The following ZNF106 variants were observed in gnomAD, a reference collection of about 807,000 sequenced individuals.
ZNF106 encodes the protein SH3-domain binding protein 3.
ZNF106 carries 67 observed loss-of-function variants against 195.1 expected under a neutral mutation model. The ratio of observed to expected loss-of-function variants is 0.34; its 90% confidence interval spans 0.28 to 0.42. The LOEUF (loss-of-function observed/expected upper bound fraction) is 0.42, where lower values mean the gene tolerates loss of function less well. Ranked by LOEUF, ZNF106 falls within the 10% of genes least tolerant of loss-of-function variation. The probability of loss-of-function intolerance (pLI) is 1.00; values close to 1 mark genes in which losing one functional copy is unlikely to be tolerated. For missense variants in ZNF106, 2,118 were observed against 2,304.5 expected, an observed-to-expected ratio of 0.92 and a Z score of 1.66; for synonymous variants, 784 against 818.6, an observed-to-expected ratio of 0.96 and a Z score of 0.72.
At chr15:42,438,746 G>T (rs1241612003) in intron 11 of ZNF106, 79 bp from the exon 12 acceptor site, 2 of 1,366,126 alleles carry the variant, frequency 1.5e-6, no homozygotes, top group Admixed American at 2.1e-5. Flanking sequence ...CTGACTCAAA[G>T]GATTTTTCTA....
rs1272348446 is a variant in ZNF106, at chr15:42,466,099, T to G, written c.70A>C (p.Met24Leu). The G allele has an allele frequency of 4.6e-6, 7 of 1,533,786 alleles. No homozygotes were observed. The highest frequency in any genetic ancestry group is 6.1e-6 in the Non-Finnish European group (7 of 1,145,954). ...YSSKKEMDEH[M>L]RSMLHHRELE... Reference sequence around the variant, plus strand: ...TCCCTGTGATGCAACATGCTCCGCATGTGTTCGTCCATCTCCTTCAAAATA... The same window carrying G: ...TCCCTGTGATGCAACATGCTCCGCAGGTGTTCGTCCATCTCCTTCAAAATA... Residue 24 changes from methionine (M) to leucine (L), a missense_variant, in exon 3 of 22, where the codon ATG becomes CTG. Coordinates refer to ENST00000564754, the MANE Select transcript of ZNF106 (RefSeq NM_001366845.3).
At chr15:42,489,975 G>GT (rs1310856395) in intron 1 of ZNF106, among the ~76,000 whole-genome samples, 2 of 152,108 alleles carry the variant, frequency 1.3e-5, no homozygotes, top group East Asian at 3.8e-4. Context: ...GAAGGCGGAG[G>GT]TTGCAGTGAG....
intron 14 of ZNF106, among the ~76,000 whole-genome samples, chr15:42,428,980 T>G (rs1319410649): frequency 6.6e-6 from 1 of 151,384 alleles, no homozygotes; most frequent in East Asian, 2.0e-4. Flanking sequence ...TTAGCCAGGA[T>G]GGTCTCGATC....
chr15:42,432,232 C>T (rs1047802908), intron 14 of ZNF106, among the ~76,000 whole-genome samples: 3 of 152,126 alleles, frequency 2.0e-5, no homozygotes, highest in African/African-American at 7.2e-5. Context: ...TGTCATAGCT[C>T]ACTATAACCT....
At chr15:42,483,170 GT>G (rs148973955) in intron 1 of ZNF106, among the ~76,000 whole-genome samples, 17,258 of 152,066 alleles carry the variant, frequency 0.11, 1,218 homozygotes, top group African/African-American at 0.19. Flanking sequence ...AATCTGCCTG[GT>G]TTTTTTGTAA....
At chr15:42,456,655 T>TAAA (rs139288961) in intron 4 of ZNF106, among the ~76,000 whole-genome samples, 2 of 133,222 alleles carry the variant, frequency 1.5e-5, no homozygotes, top group Non-Finnish European at 1.6e-5. Context: ...GACTCCATCT[T>TAAA]AAAAAAAAAA....
At chr15:42,424,606 C>T in intron 16 of ZNF106, 1 of 457,730 alleles carries the variant, frequency 2.2e-6, no homozygotes, top group Non-Finnish European at 3.9e-6. Flanking sequence ...CCACCTCAGC[C>T]TCATAAGTAG....
chr15:42,460,097 A>AAT (rs2056354188), intron 3 of ZNF106, among the ~76,000 whole-genome samples: 1 of 152,116 alleles, frequency 6.6e-6, no homozygotes, highest in South Asian at 2.1e-4. Flanking sequence ...AACTATGGAA[A>AAT]ATATCTTAGC....
chr15:42,489,268 C>G, intron 1 of ZNF106, among the ~76,000 whole-genome samples: 1 of 151,382 alleles, frequency 6.6e-6, no homozygotes. Context: ...ACCTCCGCCT[C>G]CCAGGTTCAA....
At chr15:42,483,875 T>C (rs1009225243) in intron 1 of ZNF106, among the ~76,000 whole-genome samples, 3 of 152,118 alleles carry the variant, frequency 2.0e-5, no homozygotes, top group Non-Finnish European at 4.4e-5. Flanking sequence ...ATCCTTCAAA[T>C]CTCAGTCCAA....
chr15:42,435,156 A>G (rs2055224750), intron 14 of ZNF106, among the ~76,000 whole-genome samples: 1 of 152,224 alleles, frequency 6.6e-6, no homozygotes, highest in African/African-American at 2.4e-5. Flanking sequence ...AGGAAGGTAT[A>G]TTATTAATAG....
At chr15:42,481,361 T>TG (rs1567034073) in intron 1 of ZNF106, among the ~76,000 whole-genome samples, 9 of 140,154 alleles carry the variant, frequency 6.4e-5, no homozygotes, top group African/African-American at 2.3e-4. Context: ...TTTGTTGTTT[T>TG]TTTTTTTTTT....
chr15:42,467,212 T>G (rs2056540505), intron 2 of ZNF106, among the ~76,000 whole-genome samples: 1 of 152,210 alleles, frequency 6.6e-6, no homozygotes, highest in Non-Finnish European at 1.5e-5. Context: ...TGTCTATCCC[T>G]TTGTCACTCT....
intron 4 of ZNF106, 32 bp downstream of exon 4, chr15:42,456,926 G>C: frequency 6.3e-7 from 1 of 1,584,282 alleles, no homozygotes; most frequent in Non-Finnish European, 8.6e-7. Context: ...TTCTGTTATA[G>C]ATAGGCTTTT....
chr15:42,466,265 C>G (rs1462534949), intron 2 of ZNF106, among the ~76,000 whole-genome samples, 151 bp from the exon 3 acceptor site: 1 of 151,600 alleles, frequency 6.6e-6, no homozygotes, highest in Non-Finnish European at 1.5e-5. Flanking sequence ...GAAATCAGTT[C>G]CTTAATAATT....
In ZNF106 at chr15:42,418,532, A is replaced by ATTT. The variant is rs1162999546; in HGVS notation, c.5518-584_5518-582dup. Among the ~76,000 whole-genome samples, 38 of 96,244 alleles carry ATTT rather than the reference A, an allele frequency of 3.9e-4. 2 individuals carry two copies. Among genetic ancestry groups the ATTT allele is most frequent in the African/African-American group, 6.0e-4 (14 of 23,454 alleles). 63.1% of individuals were successfully genotyped at this position (96,244 alleles called of 152,430 possible). A position where few individuals can be genotyped will look rare whatever the true frequency, so the allele number is the denominator to read the frequency against. On this transcript the variant is annotated intron_variant, in intron 20 of 21. Transcript: ENST00000564754. The stretch of plus-strand genomic sequence containing the variant: ...AGGCGTGCACCACCACGGCCAGTTA[A>ATTT]TTTTTTTTTTTTTTTTTTTTTTTTT...
chr15:42,448,475 G>A lies in ZNF106; in HGVS notation c.2732C>T (p.Pro911Leu). 1 of 1,614,038 alleles carries A rather than the reference G, an allele frequency of 6.2e-7. No individual in the cohort carries two copies. Among genetic ancestry groups the A allele is most frequent in the South Asian group, 1.1e-5 (1 of 91,082 alleles). The change falls in exon 6 of 22, where the codon CCC (proline) becomes CTC (leucine). Residue 911 changes from proline to leucine, a missense_variant. Coordinates refer to ENST00000564754, the MANE Select transcript of ZNF106 (RefSeq NM_001366845.3). ...SEEGTGKENE[P>L]QQMVSPSNSL... is the part of the protein sequence containing the mutation. ...GTTACTAGGTGAAACCATCTGCTGG[G>A]GCTCATTTTCTTTGCCTGTACCTTC...
intron 3 of ZNF106, chr15:42,457,472 G>A: frequency 1.6e-6 from 2 of 1,223,746 alleles, no homozygotes; most frequent in South Asian, 3.9e-5. Context: ...GGGAGGCAGG[G>A]CAGGGGGCTC....
At position 42,451,194 on chromosome 15, in the gene ZNF106, T is replaced by C. The variant is rs377364664; in HGVS notation, c.1078A>G (p.Lys360Glu). Residue 360 changes from lysine to glutamate, a missense_variant, in exon 5 of 22, where the codon AAG becomes GAG. Coordinates refer to ENST00000564754, the MANE Select transcript of ZNF106 (RefSeq NM_001366845.3). ...ADTATSKVSG[K>E]NGSAAREKPR... ...TTTTCCCTTGCCGCACTGCCATTCTTTCCACTAACTTTGGAAGTAGCAGTG... is the reference window on the plus strand; with the variant it reads ...TTTTCCCTTGCCGCACTGCCATTCTCTCCACTAACTTTGGAAGTAGCAGTG... 5.0e-6 allele frequency: 8 copies of C among 1,614,008 alleles called. No homozygotes were observed. The African/African-American group carries it at 1.1e-4, about 22-fold the overall frequency.
Sources: gnomAD v4.1 joint callset for allele counts (sites outside exome capture counted in the v4.1 genomes callset) on GRCh38, gnomAD v4.1.1 for gene constraint, MANE v1.5 for transcripts, NCBI Gene and HGNC (gene_info 2026-07-23, HGNC 2026-07-21) for gene names.